The following HPSE2 variants were observed in gnomAD, a reference collection of about 807,000 sequenced individuals.
HPSE2 encodes inactive heparanase-2.
A neutral mutation model predicts 60.5 loss-of-function variants in HPSE2; 38 were observed. The observed-to-expected ratio is 0.63, with a 90% CI of 0.48 to 0.82. The LOEUF is 0.82. HPSE2 is among the 40% of genes least tolerant of loss of function. The pLI is 0.00. For missense variants in HPSE2, 713 were observed against 740.4 expected (o/e 0.96, Z 0.43); for synonymous variants, 295 against 293.2 (o/e 1.01, Z -0.06).
At chr10:98,586,057 T>C (rs1185741894) in intron 9 of HPSE2, among the ~76,000 whole-genome samples, 1 of 151,984 alleles carries the variant, frequency 6.6e-6, no homozygotes, top group African/African-American at 2.4e-5. Flanking sequence ...TGGCATAACA[T>C]TGATACAAAG....
chr10:99,181,266 C>T (rs1388432844), intron 2 of HPSE2, among the ~76,000 whole-genome samples: 9 of 148,612 alleles, frequency 6.1e-5, no homozygotes, highest in South Asian at 2.1e-4. Flanking sequence ...GGCGTAGTGG[C>T]GGGCGCCTGT....
rs544511234 is a variant in HPSE2 at position 98,959,036 on chromosome 10, T to A, written c.610+185202A>T. Among the ~76,000 whole-genome samples, 20 of 152,166 alleles carry A rather than the reference T, an allele frequency of 1.3e-4. No homozygotes were observed. The South Asian group carries it at 4.1e-3, about 32-fold the overall frequency. On this transcript the variant is annotated intron_variant, in intron 3 of 11. Coordinates refer to ENST00000370552, the MANE Select transcript of HPSE2 (RefSeq NM_021828.5). The stretch of plus-strand genomic sequence containing the variant: ...ATGTTAAGAGCAGAGATAATGTATA[T>A]GAAGTCAAAACCAATGTTTAGCATG...
At chr10:99,252,463 C>T in the HPSE2 span, among the ~76,000 whole-genome samples, 1 of 152,146 alleles carries the variant, frequency 6.6e-6, no homozygotes, top group Admixed American at 6.5e-5. Flanking sequence ...GGATAAATGA[C>T]TTTGGCAATG....
chr10:99,304,293 T>A, the HPSE2 span, among the ~76,000 whole-genome samples: 5 of 152,360 alleles, frequency 3.3e-5, no homozygotes, highest in Middle Eastern at 3.4e-3. Context: ...CAAAAGTTAC[T>A]ACTGCTTCCC....
In HPSE2 at chr10:98,459,521, A is replaced by T. The variant is rs1940183058; in HGVS notation, c.*53T>A. 1.3e-6 allele frequency: 2 copies of T among 1,576,244 alleles called. No individual in the cohort carries two copies. Among genetic ancestry groups the T allele is most frequent in the South Asian group, 1.1e-5 (1 of 90,286 alleles). On this transcript the variant is annotated 3_prime_UTR_variant, in exon 12 of 12. Transcript: ENST00000370552. The stretch of plus-strand genomic sequence containing the variant: ...AAAACAGAGGATACTACTGGAGTGG[A>T]GGAGTGGAAGCAGCCCAGCAGGCCC...
At chr10:98,933,770 T>C (rs1954709586) in intron 3 of HPSE2, among the ~76,000 whole-genome samples, 1 of 141,594 alleles carries the variant, frequency 7.1e-6, no homozygotes, top group Non-Finnish European at 1.5e-5. Context: ...CTTGCTCTTT[T>C]GCCCAGGCTG....
chr10:98,894,000 G>T (rs2134947952), intron 3 of HPSE2, among the ~76,000 whole-genome samples: 1 of 152,140 alleles, frequency 6.6e-6, no homozygotes, highest in Admixed American at 6.5e-5. Context: ...ATGGACAGAT[G>T]GAAAGAAAAT....
chr10:99,106,733 T>C, intron 3 of HPSE2, among the ~76,000 whole-genome samples: 1 of 152,146 alleles, frequency 6.6e-6, no homozygotes, highest in African/African-American at 2.4e-5. Context: ...AATAACCTTA[T>C]GAAGTAGATA....
chr10:98,870,989 C>T (rs567211096), intron 3 of HPSE2, among the ~76,000 whole-genome samples: 1 of 151,832 alleles, frequency 6.6e-6, no homozygotes, highest in East Asian at 1.9e-4. Flanking sequence ...TCTCTCTTGC[C>T]CTCTCTCACC....
chr10:98,776,605 CTT>C (rs1204873358), intron 3 of HPSE2, among the ~76,000 whole-genome samples: 3 of 151,990 alleles, frequency 2.0e-5, no homozygotes, highest in African/African-American at 7.3e-5. Context: ...TGCTTGCACT[CTT>C]AAAAAAATGT....
chr10:99,244,941 A>G, the HPSE2 span, among the ~76,000 whole-genome samples: 2 of 151,976 alleles, frequency 1.3e-5, no homozygotes, highest in African/African-American at 2.4e-5. Flanking sequence ...CCTTAATTCA[A>G]TACTAGTTAT....
At chr10:99,287,664 A>G in the HPSE2 span, among the ~76,000 whole-genome samples, 1 of 152,192 alleles carries the variant, frequency 6.6e-6, no homozygotes, top group Non-Finnish European at 1.5e-5. Flanking sequence ...CCAACTTCAA[A>G]CATTTACCTT....
At chr10:99,097,432 C>G (rs1270040537) in intron 3 of HPSE2, among the ~76,000 whole-genome samples, 1 of 152,106 alleles carries the variant, frequency 6.6e-6, no homozygotes, top group African/African-American at 2.4e-5. Flanking sequence ...TAGGGTTTCT[C>G]TAATATTCTG....
intron 3 of HPSE2, among the ~76,000 whole-genome samples, chr10:98,996,039 T>C (rs536947198): frequency 2.6e-5 from 4 of 152,148 alleles, no homozygotes; most frequent in Admixed American, 2.6e-4. Context: ...TAATTTGTTT[T>C]GACAAATTAA....
chr10:98,775,908 T>G (rs1950330180), intron 3 of HPSE2, among the ~76,000 whole-genome samples: 1 of 152,190 alleles, frequency 6.6e-6, no homozygotes, highest in African/African-American at 2.4e-5. Context: ...CACAGTCATA[T>G]TTCAGTAACC....
chr10:99,299,524 C>G, the HPSE2 span, among the ~76,000 whole-genome samples: 2 of 152,294 alleles, frequency 1.3e-5, no homozygotes, highest in East Asian at 3.9e-4. Flanking sequence ...TTATCATCCA[C>G]TTGTTGTACT....
At chr10:98,627,487 G>A (rs1946248270) in intron 7 of HPSE2, among the ~76,000 whole-genome samples, 1 of 152,058 alleles carries the variant, frequency 6.6e-6, no homozygotes, top group African/African-American at 2.4e-5. Context: ...TGACTTGCAG[G>A]GAGATTTGAA....
In HPSE2 at chr10:98,508,048, T is replaced by C. The variant is rs537265827; in HGVS notation, c.1321-17852A>G. Among the ~76,000 whole-genome samples the C allele has an allele frequency of 4.6e-5, 7 of 152,086 alleles. No homozygotes were observed. The East Asian group carries it at 1.4e-3, about 29-fold the overall frequency. ...AAGAGTCATTAAGAAGGAAGGCAAA[T>C]ACAATGTTTTTTAAATGTCTATAAT... is the stretch of plus-strand genomic sequence containing the variant. On this transcript the variant is annotated intron_variant, in intron 9 of 11. Coordinates refer to ENST00000370552, the MANE Select transcript of HPSE2 (RefSeq NM_021828.5).
intron 2 of HPSE2, among the ~76,000 whole-genome samples, chr10:99,160,664 C>A (rs1846792496): frequency 1.3e-5 from 2 of 151,968 alleles, no homozygotes; most frequent in South Asian, 4.1e-4. Context: ...CTTTGGGAGG[C>A]CGAGGCGGGC....
Sources: allele counts gnomAD v4.1 joint callset (sites outside exome capture counted in the v4.1 genomes callset), GRCh38; gene constraint gnomAD v4.1.1; transcripts MANE v1.5; gene names NCBI Gene and HGNC (gene_info 2026-07-23, HGNC 2026-07-21).